Variants in DLGAP4 observed in about 807,000 individuals in gnomAD.
The protein encoded by DLGAP4 is disks large-associated protein 4.
In DLGAP4, 18 loss-of-function variants were observed where a neutral mutation model predicts 86.9. The observed-to-expected ratio is 0.21, with a 90% confidence interval of 0.14 to 0.31. DLGAP4 has a LOEUF of 0.31. Among genes scored for constraint, DLGAP4 ranks in the 10% least tolerant of loss-of-function variants. The probability of loss-of-function intolerance (pLI) is 1.00; values close to 1 mark genes in which losing one functional copy is unlikely to be tolerated. For synonymous variants in DLGAP4, 548 were observed against 574.3 expected, an observed-to-expected ratio of 0.95 and a Z score of 0.65; for missense variants, 1,085 against 1,362.6, an observed-to-expected ratio of 0.80 and a Z score of 3.21.
chr20:36,478,647 A>C (rs1229157478), intron 7 of DLGAP4, among the ~76,000 whole-genome samples: 1 of 152,206 alleles, frequency 6.6e-6, no homozygotes, highest in African/African-American at 2.4e-5. Context: ...AGCAGCTTCT[A>C]AGCTTTGTAG....
intron 7 of DLGAP4, among the ~76,000 whole-genome samples, chr20:36,486,776 A>C (rs1161484425): frequency 6.6e-6 from 1 of 151,754 alleles, no homozygotes; most frequent in Admixed American, 6.6e-5. Flanking sequence ...ACACCCGGCC[A>C]ATTTTTTGTA....
rs889912292 is a variant in DLGAP4 at position 36,400,312 on chromosome 20, A to T, written c.-72-31334A>T. 2.0e-5 allele frequency among the ~76,000 whole-genome samples: 3 copies of T among 152,196 alleles called. No individual in the cohort carries two copies. The East Asian group carries it at 5.8e-4, about 29-fold the overall frequency. On this transcript the variant is annotated intron_variant, in intron 2 of 12. Coordinates refer to ENST00000339266, the MANE Select transcript of DLGAP4 (RefSeq NM_001365621.2). ...ATTTGAGCAGCTGATTCAACAGCAC[A>T]TCTTTCTCTGTCTGCATTTGTAACT...
In DLGAP4 at chr20:36,432,126, G is replaced by A. The variant is rs1458892594; in HGVS notation, c.409G>A (p.Gly137Ser). The change falls in exon 3 of 13, where the codon GGC (glycine) becomes AGC (serine). Residue 137 changes from glycine to serine, a missense_variant. Physicochemically the swap from Gly to Ser is moderately conservative, Grantham distance 56. Around this residue, in one of 2 missense-constraint regions of DLGAP4, gnomAD observed 1,082 missense variants for 1,344.1 expected, o/e 0.81. Coordinates refer to ENST00000339266, the MANE Select transcript of DLGAP4 (RefSeq NM_001365621.2). This position sits in a 1 kb window ranked among gnomAD's most constrained non-coding sequence, Gnocchi z 6.5. Reference sequence around the variant, plus strand: ...GGCCAAGGCCCGTGGTGAGAGCCCTGGCCGCATCCGCCACCTGGTCCACTC... The same window carrying A: ...GGCCAAGGCCCGTGGTGAGAGCCCTAGCCGCATCCGCCACCTGGTCCACTC... Reference protein sequence around the residue: ...GEAKARGESPGRIRHLVHSVQ... With the variant: ...GEAKARGESPSRIRHLVHSVQ... 1 of 1,614,080 alleles carries A rather than the reference G, an allele frequency of 6.2e-7. No homozygotes were observed. Among genetic ancestry groups the A allele is most frequent in the Non-Finnish European group, 8.5e-7 (1 of 1,180,050 alleles).
rs2065293893 is a variant in DLGAP4, at chr20:36,333,752, G to A, written c.-304+27240G>A. Among the ~76,000 whole-genome samples, 2 of 152,226 alleles carry A rather than the reference G, an allele frequency of 1.3e-5. 1 individual carries two copies. Among genetic ancestry groups the A allele is most frequent in the Admixed American group, 1.3e-4 (2 of 15,290 alleles). On this transcript the variant is annotated intron_variant, in intron 1 of 12. Coordinates refer to ENST00000339266, the MANE Select transcript of DLGAP4 (RefSeq NM_001365621.2). ...CTGCTGGCCTCGAAGCCCTTCAAGG[G>A]TGGGTCCACATGGGTGTGGATCTTG...
intron 1 of DLGAP4, among the ~76,000 whole-genome samples, chr20:36,343,152 C>T (rs1377020898): frequency 2.0e-5 from 3 of 152,158 alleles, no homozygotes; most frequent in Non-Finnish European, 4.4e-5. Flanking sequence ...AGCTCACCGG[C>T]TCACATTTTA....
chr20:36,527,811 T>C lies in DLGAP4; in HGVS notation c.*780T>C, dbSNP rs1223756633. Reference sequence around the variant, plus strand: ...CACACTCCAGACTCCTGCCCTTTTATTTTCTCCAGCCCCTTCTTCCTTCAG... The same window carrying C: ...CACACTCCAGACTCCTGCCCTTTTACTTTCTCCAGCCCCTTCTTCCTTCAG... On this transcript the variant is annotated 3_prime_UTR_variant, in exon 13 of 13. Coordinates refer to ENST00000339266, the MANE Select transcript of DLGAP4 (RefSeq NM_001365621.2). The C allele has an allele frequency of 1.3e-5, 2 of 152,678 alleles. No homozygotes were observed. The highest frequency in any genetic ancestry group is 2.9e-5 in the Non-Finnish European group (2 of 68,088). The allele number at this position is 152,678 out of a possible 1,614,324, so 9.5% of individuals were successfully genotyped here.
intron 7 of DLGAP4, among the ~76,000 whole-genome samples, chr20:36,458,157 C>A (rs1189713370): frequency 6.6e-6 from 1 of 151,908 alleles, no homozygotes; most frequent in African/African-American, 2.4e-5. Flanking sequence ...GCTCTGAGTA[C>A]AAGGGGGAAC....
intron 2 of DLGAP4, among the ~76,000 whole-genome samples, chr20:36,369,981 G>T (rs2030859639): frequency 6.6e-6 from 1 of 152,160 alleles, no homozygotes; most frequent in Non-Finnish European, 1.5e-5. Context: ...AGTGGAGGAG[G>T]TGAGATGAGA....
At chr20:36,399,982 A>C (rs919152454) in intron 2 of DLGAP4, among the ~76,000 whole-genome samples, 1 of 152,208 alleles carries the variant, frequency 6.6e-6, no homozygotes, top group Non-Finnish European at 1.5e-5. Context: ...AAACTTTCAC[A>C]ATGAAGAATT....
rs1458447493 is a variant in DLGAP4 at position 36,312,898 on chromosome 20, T to TAAGAGGA, written c.-304+6388_-304+6394dup. 7.8e-3 allele frequency among the ~76,000 whole-genome samples: 1,191 copies of TAAGAGGA among 152,234 alleles called. 22 individuals are homozygous for TAAGAGGA. Among genetic ancestry groups the TAAGAGGA allele is most frequent in the African/African-American group, 0.027 (1,139 of 41,506 alleles). ...GTGCTGGGTATCTGGGGGTTTGTAG[T>TAAGAGGA]AAGAGGAACGAGCAGGTTTGCTACT... On this transcript the variant is annotated intron_variant, in intron 1 of 12. Coordinates refer to ENST00000339266, the MANE Select transcript of DLGAP4 (RefSeq NM_001365621.2).
chr20:36,484,009 C>T (rs2035303002), intron 7 of DLGAP4, among the ~76,000 whole-genome samples: 1 of 152,250 alleles, frequency 6.6e-6, no homozygotes, highest in African/African-American at 2.4e-5. Context: ...ACCTAACTCC[C>T]AGCCCTGGAG....
chr20:36,447,358 T>C (rs1306406321), intron 7 of DLGAP4, among the ~76,000 whole-genome samples: 1 of 152,224 alleles, frequency 6.6e-6, no homozygotes, highest in African/African-American at 2.4e-5. Context: ...CTGAGCCTTC[T>C]CAAAGGGATG....
At chr20:36,509,531 A>G (rs2036571240) in intron 10 of DLGAP4, among the ~76,000 whole-genome samples, 1 of 152,124 alleles carries the variant, frequency 6.6e-6, no homozygotes, top group African/African-American at 2.4e-5. Context: ...AGATCACACC[A>G]CTGTACTCCA....
At chr20:36,479,081 A>G (rs2035069184) in intron 7 of DLGAP4, among the ~76,000 whole-genome samples, 1 of 152,130 alleles carries the variant, frequency 6.6e-6, no homozygotes, top group South Asian at 2.1e-4. Context: ...TGACCTTCTG[A>G]TTGGTAGATG....
At chr20:36,407,049 C>T (rs2032345310) in intron 2 of DLGAP4, among the ~76,000 whole-genome samples, 1 of 152,084 alleles carries the variant, frequency 6.6e-6, no homozygotes, top group Admixed American at 6.6e-5. Flanking sequence ...ACCAGAGGAA[C>T]TAGAGCCTCA....
intron 10 of DLGAP4, chr20:36,508,938 C>T (rs1569523258): frequency 1.3e-5 from 2 of 152,232 alleles, no homozygotes; most frequent in African/African-American, 4.8e-5. Flanking sequence ...CCCTAGTATA[C>T]TTACTGATAC....
intron 2 of DLGAP4, among the ~76,000 whole-genome samples, chr20:36,429,726 G>C (rs995275808): frequency 1.3e-5 from 2 of 152,106 alleles, no homozygotes. Flanking sequence ...TTCTTATAGG[G>C]ACCGTGTGAT....
At chr20:36,509,444 G>A (rs368978112) in intron 10 of DLGAP4, among the ~76,000 whole-genome samples, 4 of 151,998 alleles carry the variant, frequency 2.6e-5, no homozygotes, top group South Asian at 2.1e-4. Context: ...GGTGGCAGGC[G>A]CCTGTAATCC....
chr20:36,329,757 G>A (rs956422935), intron 1 of DLGAP4, among the ~76,000 whole-genome samples: 2 of 150,780 alleles, frequency 1.3e-5, no homozygotes, highest in East Asian at 3.9e-4. Context: ...ATTAGGCCAG[G>A]TGCGATGGCT....
Sources: gnomAD v4.1 joint callset for allele counts (sites outside exome capture counted in the v4.1 genomes callset) on GRCh38, gnomAD v4.1.1 for gene constraint, gnomAD v4.1.1 regional missense constraint, Gnocchi (gnomAD v3.1) non-coding constraint, MANE v1.5 for transcripts, NCBI Gene and HGNC (gene_info 2026-07-23, HGNC 2026-07-21) for gene names.